Variants in TLL2 observed in about 807,000 individuals in gnomAD.
TLL2 encodes the protein tolloid-like protein 2.
Under a neutral mutation model 123.0 loss-of-function variants are expected in TLL2, and 106 were observed. The observed-to-expected ratio is 0.86, with a 90% CI of 0.74 to 1.01. The LOEUF is 1.01. TLL2 is among the 50% of genes least tolerant of loss of function. TLL2 has a pLI of 0.00. For missense variants in TLL2, 1,332 were observed against 1,336.7 expected, an observed-to-expected ratio of 1.00 and a Z score of 0.06; for synonymous variants, 494 against 516.8, an observed-to-expected ratio of 0.96 and a Z score of 0.60.
chr10:96,494,623 C>T (rs2134111145), intron 1 of TLL2, among the ~76,000 whole-genome samples: 1 of 152,358 alleles, frequency 6.6e-6, no homozygotes, highest in Admixed American at 6.5e-5. Context: ...ACCCGTGGAC[C>T]TAATCACAAA....
intron 2 of TLL2, among the ~76,000 whole-genome samples, chr10:96,447,671 G>A (rs866750810): frequency 9.9e-5 from 15 of 152,126 alleles, no homozygotes; most frequent in African/African-American, 2.4e-4. Flanking sequence ...TTACACACAC[G>A]AAACCACATC....
intron 16 of TLL2, 27 bp from the exon 17 acceptor site, chr10:96,379,119 G>A (rs1846164150): frequency 1.3e-6 from 2 of 1,593,858 alleles, no homozygotes; most frequent in Middle Eastern, 1.7e-4. Flanking sequence ...ACTCTTCTAA[G>A]AGGAACCGCC....
At position 96,432,853 on chromosome 10, in the gene TLL2, T is replaced by C; in HGVS notation, c.474A>G (p.Ile158Met). ...CGTAGGGGATGACTCCTCCAGGCCA[T>C]ATCCTCTCTGTCCTTGAGGTTGTGG... ...RRATTSRTER[I>M]WPGGVIPYVI... Residue 158 changes from isoleucine (I) to methionine (M), a missense_variant, in exon 4 of 21, where the codon ATA becomes ATG. Coordinates refer to ENST00000357947, the MANE Select transcript of TLL2 (RefSeq NM_012465.4). The C allele has an allele frequency of 1.9e-6, 3 of 1,614,118 alleles. 1 individual carries two copies. Among genetic ancestry groups the C allele is most frequent in the Middle Eastern group, 3.3e-4 (2 of 6,062 alleles).
At chr10:96,458,061 G>A (rs1421001163) in intron 2 of TLL2, among the ~76,000 whole-genome samples, 1 of 152,128 alleles carries the variant, frequency 6.6e-6, no homozygotes, top group East Asian at 1.9e-4. Context: ...TGGGGTGGGA[G>A]GATTGGTGGG....
intron 13 of TLL2, 133 bp from the exon 14 acceptor site, chr10:96,387,211 A>G (rs1846244774): frequency 7.8e-7 from 1 of 1,289,528 alleles, no homozygotes. Flanking sequence ...CCACCTCCCA[A>G]AGAGTGCCAT....
At chr10:96,407,335 G>A (rs190751175) in intron 9 of TLL2, among the ~76,000 whole-genome samples, 23 of 152,060 alleles carry the variant, frequency 1.5e-4, no homozygotes, top group Middle Eastern at 6.8e-3. Flanking sequence ...TCTTTGGAAC[G>A]CCCCACCCTC....
chr10:96,373,734 T>C lies in TLL2; in HGVS notation c.2524A>G (p.Ser842Gly). Residue 842 changes from serine (S) to glycine (G), a missense_variant, in exon 19 of 21, where the codon AGC becomes GGC. By Grantham distance (56) the Ser-to-Gly change is moderately conservative. Transcript: ENST00000357947. ...AAACGGCCCAGAATGGGGGCCAGGC[T>C]GTCCGGCCCGTCATACATTTCCAGG... ...DHLEMYDGPD[S>G]LAPILGRFCG... The C allele has an allele frequency of 1.9e-6, 3 of 1,614,262 alleles. No homozygotes were observed. The highest frequency in any genetic ancestry group is 1.7e-6 in the Non-Finnish European group (2 of 1,180,050).
chr10:96,396,823 G>A (rs1024246485), intron 11 of TLL2, among the ~76,000 whole-genome samples: 13 of 152,294 alleles, frequency 8.5e-5, no homozygotes, highest in African/African-American at 2.6e-4. Flanking sequence ...GAGGCCTAGA[G>A]AGGTCAGATT....
At chr10:96,394,330 G>A (rs955535759) in intron 13 of TLL2, among the ~76,000 whole-genome samples, 2 of 152,238 alleles carry the variant, frequency 1.3e-5, no homozygotes, top group Admixed American at 6.5e-5. Flanking sequence ...GCCCAATGCA[G>A]TGGGGAGCAG....
chr10:96,463,218 G>A (rs1847096864), intron 2 of TLL2, among the ~76,000 whole-genome samples: 1 of 152,186 alleles, frequency 6.6e-6, no homozygotes, highest in African/African-American at 2.4e-5. Flanking sequence ...GCACTGATGG[G>A]CTTCTTACGG....
At chr10:96,401,384 T>C (rs1846392631) in intron 10 of TLL2, among the ~76,000 whole-genome samples, 1 of 152,086 alleles carries the variant, frequency 6.6e-6, no homozygotes, top group Non-Finnish European at 1.5e-5. Flanking sequence ...GCCGACACAA[T>C]GCACTTGTTC....
At chr10:96,460,064 A>G (rs547725472) in intron 2 of TLL2, among the ~76,000 whole-genome samples, 8 of 152,310 alleles carry the variant, frequency 5.3e-5, no homozygotes, top group Admixed American at 5.2e-4. Flanking sequence ...TTTAACTTCA[A>G]AAGCCTTAAA....
At chr10:96,375,755 A>T (rs913986847) in intron 18 of TLL2, among the ~76,000 whole-genome samples, 1 of 152,172 alleles carries the variant, frequency 6.6e-6, no homozygotes, top group Non-Finnish European at 1.5e-5. Context: ...ACAACCTGCA[A>T]GTCCCTGCGC....
chr10:96,397,979 T>C (rs1846357647), intron 10 of TLL2, among the ~76,000 whole-genome samples: 1 of 152,192 alleles, frequency 6.6e-6, no homozygotes. Context: ...CAGAAAACTG[T>C]GTCCTCAGTC....
In TLL2 at chr10:96,373,618, G is replaced by A. The variant is rs1589403959; in HGVS notation, c.2640C>T (p.Gly880=). ...TACCTGTGCTGTGCACTGCCTGGAA[G>A]CCTTTCCTCTGCACTGAGGCATCCG... ...FYSDASVQRK[G]FQAVHSTECG... is the part of the protein sequence containing the mutation. The change falls in exon 19 of 21, where the codon GGC becomes GGT. Residue 880 remains glycine, a synonymous_variant. Coordinates refer to ENST00000357947, the MANE Select transcript of TLL2 (RefSeq NM_012465.4). 1 of 1,614,248 alleles carries A rather than the reference G, an allele frequency of 6.2e-7. No individual in the cohort carries two copies. The highest frequency in any genetic ancestry group is 8.5e-7 in the Non-Finnish European group (1 of 1,180,044).
Position 96,513,782 on chromosome 10 carries a change from G to A in TLL2, c.-97C>T, listed in dbSNP as rs1200218690. The A allele has an allele frequency of 1.6e-6, 2 of 1,280,658 alleles. No individual in the cohort carries two copies. The highest frequency in any genetic ancestry group is 1.6e-5 in the African/African-American group (1 of 63,750). 79.3% of individuals were successfully genotyped at this position (1,280,658 alleles called of 1,614,324 possible). ...CACTGGGTCGGTCGGCTCCGGCCGG[G>A]ACTCGGTGGTTACACAGGGCTGCTG... On this transcript the variant is annotated 5_prime_UTR_variant, in exon 1 of 21. Transcript: ENST00000357947.
intron 7 of TLL2, among the ~76,000 whole-genome samples, chr10:96,415,770 T>C: frequency 7.7e-6 from 1 of 129,914 alleles, no homozygotes. Flanking sequence ...TCTCTCTGTC[T>C]CTCTCAAGCA....
intron 3 of TLL2, among the ~76,000 whole-genome samples, chr10:96,436,969 C>T (rs973930735): frequency 6.6e-6 from 1 of 152,120 alleles, no homozygotes; most frequent in Non-Finnish European, 1.5e-5. Flanking sequence ...TACAGGCATG[C>T]ACCACCGCAC....
chr10:96,508,978 C>T (rs1178796421), intron 1 of TLL2, among the ~76,000 whole-genome samples: 1 of 152,048 alleles, frequency 6.6e-6, no homozygotes, highest in Admixed American at 6.6e-5. Context: ...TGAGGCAAAG[C>T]CATCAAAGGT....
Sources: gnomAD v4.1 joint callset for allele counts (sites outside exome capture counted in the v4.1 genomes callset) on GRCh38, gnomAD v4.1.1 for gene constraint, MANE v1.5 for transcripts, NCBI Gene and HGNC (gene_info 2026-07-23, HGNC 2026-07-21) for gene names.